The following RGS3 variants were observed in gnomAD, a reference collection of about 807,000 sequenced individuals.
The protein encoded by RGS3 is regulator of G-protein signalling 3.
In RGS3, 80 loss-of-function variants were observed where a neutral mutation model predicts 132.6. The observed-to-expected ratio is 0.60, with a 90% CI of 0.50 to 0.73. The LOEUF (loss-of-function observed/expected upper bound fraction) is 0.73, where lower values mean the gene tolerates loss of function less well. Ranked by LOEUF, RGS3 falls within the 30% of genes least tolerant of loss-of-function variation. The pLI is 0.00. For missense variants in RGS3, 1,382 were observed against 1,530.8 expected (o/e 0.90, Z 1.62); for synonymous variants, 598 against 620.6 (o/e 0.96, Z 0.54).
intron 4 of RGS3, among the ~76,000 whole-genome samples, chr9:113,480,694 A>T (rs1830132885): frequency 6.6e-6 from 1 of 152,188 alleles, no homozygotes; most frequent in South Asian, 2.1e-4. Flanking sequence ...CTTCATGCAC[A>T]GGGCTAGCAA....
At chr9:113,469,096 G>C (rs542767489) in intron 3 of RGS3, among the ~76,000 whole-genome samples, 1 of 141,472 alleles carries the variant, frequency 7.1e-6, no homozygotes, top group South Asian at 2.3e-4. Context: ...TACAATGTTA[G>C]CTGGGGCCTG....
intron 8 of RGS3, among the ~76,000 whole-genome samples, chr9:113,496,897 A>G (rs1445449570): frequency 6.6e-6 from 1 of 152,072 alleles, no homozygotes; most frequent in Non-Finnish European, 1.5e-5. Flanking sequence ...CCTAGAAAAG[A>G]TGTTCCCCCT....
intron 7 of RGS3, among the ~76,000 whole-genome samples, chr9:113,491,665 C>T (rs912744183): frequency 6.6e-5 from 10 of 151,980 alleles, no homozygotes; most frequent in Admixed American, 5.2e-4. Context: ...AGTGATTCTT[C>T]TGCCTCAGCC....
intron 14 of RGS3, among the ~76,000 whole-genome samples, chr9:113,510,357 C>T (rs535159574): frequency 1.3e-5 from 2 of 152,350 alleles, no homozygotes; most frequent in African/African-American, 4.8e-5. Context: ...GGAGATGCTG[C>T]AGCTAAGTAG....
intron 19 of RGS3, among the ~76,000 whole-genome samples, chr9:113,556,732 G>A (rs1263679530): frequency 8.5e-5 from 13 of 152,298 alleles, no homozygotes; most frequent in South Asian, 2.1e-4. Context: ...AATCAGTGGG[G>A]GAAAGCTTGG....
At chr9:113,461,450 A>C (rs1199868475) in intron 1 of RGS3, among the ~76,000 whole-genome samples, 1 of 152,190 alleles carries the variant, frequency 6.6e-6, no homozygotes, top group South Asian at 2.1e-4. Flanking sequence ...TCTCTTGAGG[A>C]AAGGGTGACC....
upstream of RGS3, among the ~76,000 whole-genome samples, chr9:113,457,399 G>A (rs1829387810): frequency 6.6e-6 from 1 of 152,152 alleles, no homozygotes; most frequent in Admixed American, 6.5e-5. Context: ...AGGTTGCTGT[G>A]TTTCCTCTAT....
intron 20 of RGS3, among the ~76,000 whole-genome samples, chr9:113,588,292 G>T (rs1049320306): frequency 3.9e-5 from 6 of 152,214 alleles, no homozygotes; most frequent in African/African-American, 1.4e-4. Flanking sequence ...AAAGCCTAAA[G>T]AATTATTTCG....
chr9:113,467,165 A>G (rs1246997013), intron 3 of RGS3, among the ~76,000 whole-genome samples: 4 of 152,230 alleles, frequency 2.6e-5, no homozygotes, highest in Non-Finnish European at 2.9e-5. Context: ...ATTATGAATA[A>G]TACTGCCATG....
chr9:113,448,161 C>G (rs903713727), intron 1 of RGS3, among the ~76,000 whole-genome samples: 4 of 152,076 alleles, frequency 2.6e-5, no homozygotes, highest in Non-Finnish European at 4.4e-5. Flanking sequence ...CCAAGCCTAA[C>G]CCCTGATCTT....
chr9:113,456,831 G>A (rs1829372279), upstream of RGS3, among the ~76,000 whole-genome samples: 1 of 151,674 alleles, frequency 6.6e-6, no homozygotes, highest in Non-Finnish European at 1.5e-5. Context: ...ACAGAGTTTC[G>A]CTTTTGTCTT....
At position 113,583,892 on chromosome 9, in the gene RGS3, AG is replaced by A. The variant is rs1471913671; in HGVS notation, c.2482del (p.Ala828ProfsTer7). ...CCTAGCCAGGTCTCCCTGCCAGCCA[AG>A]GCCCTTACTGAGGACACCATGAGCT... On this transcript the variant is annotated frameshift_variant, in exon 20 of 25. Coordinates refer to ENST00000350696, the Ensembl canonical transcript of RGS3. LOFTEE classifies it high-confidence loss of function. The A allele has an allele frequency of 1.2e-6, 2 of 1,614,014 alleles. No homozygotes were observed. The highest frequency in any genetic ancestry group is 4.5e-5 in the East Asian group (2 of 44,876).
chr9:113,514,645 C>T (rs1334350546), exon 15 of RGS3: 1 of 1,613,376 alleles, frequency 6.2e-7, no homozygotes, highest in Non-Finnish European at 8.5e-7. Flanking sequence ...TGTTCCCTGT[C>T]TTTGTTCAGG....
intron 19 of RGS3, among the ~76,000 whole-genome samples, chr9:113,577,231 G>A (rs1177699882): frequency 6.6e-6 from 1 of 151,950 alleles, no homozygotes; most frequent in African/African-American, 2.4e-5. Context: ...TGATCCACCC[G>A]TCTTGACCTC....
intron 4 of RGS3, among the ~76,000 whole-genome samples, chr9:113,480,286 G>A (rs1207145735): frequency 2.6e-5 from 4 of 151,746 alleles, no homozygotes; most frequent in African/African-American, 4.8e-5. Flanking sequence ...CTGAAACCCC[G>A]TCTCTACCAA....
At chr9:113,527,224 C>T (rs560357416) in intron 17 of RGS3, among the ~76,000 whole-genome samples, 2 of 152,226 alleles carry the variant, frequency 1.3e-5, no homozygotes, top group African/African-American at 4.8e-5. Flanking sequence ...GAGTGTTCCC[C>T]CAACCTCAGC....
intron 1 of RGS3, among the ~76,000 whole-genome samples, chr9:113,460,622 T>A (rs1829451062): frequency 6.6e-6 from 1 of 152,238 alleles, no homozygotes; most frequent in Admixed American, 6.5e-5. Flanking sequence ...TGTTATTTTC[T>A]AAATAAATTA....
At chr9:113,584,040 G>C (rs1425406971) in exon 20 of RGS3, 5 of 1,614,134 alleles carry the variant, frequency 3.1e-6, no homozygotes, top group Non-Finnish European at 4.2e-6. Context: ...AGGGCTGCTC[G>C]GGAGATGAGG....
At chr9:113,573,832 A>G (rs1254106439) in intron 19 of RGS3, among the ~76,000 whole-genome samples, 1 of 152,158 alleles carries the variant, frequency 6.6e-6, no homozygotes, top group East Asian at 1.9e-4. Flanking sequence ...AGCCAGGCCC[A>G]GGTTTGTCCT....
Sources: allele counts gnomAD v4.1 joint callset (sites outside exome capture counted in the v4.1 genomes callset), GRCh38; gene constraint gnomAD v4.1.1; transcripts MANE v1.5; gene names NCBI Gene and HGNC (gene_info 2026-07-23, HGNC 2026-07-21).